The following ADAM19 variants were observed in gnomAD, a reference collection of about 807,000 sequenced individuals.
ADAM19 encodes ADAM metallopeptidase domain 19.
A neutral mutation model predicts 114.7 loss-of-function variants in ADAM19; 65 were observed. The observed-to-expected ratio is 0.57, with a 90% CI of 0.46 to 0.70. The LOEUF is 0.70. ADAM19 is among the 30% of genes least tolerant of loss of function. The pLI, the probability that ADAM19 is intolerant of heterozygous loss-of-function variation, is 0.00. For synonymous variants in ADAM19, 466 were observed against 460.5 expected (o/e 1.01, Z -0.15); for missense variants, 1,063 against 1,204.7 (o/e 0.88, Z 1.74).
chr5:157,556,854 T>C (rs890442359), intron 3 of ADAM19, among the ~76,000 whole-genome samples: 2 of 152,196 alleles, frequency 1.3e-5, no homozygotes, highest in Middle Eastern at 3.2e-3. Flanking sequence ...AAGTATCCAT[T>C]CTCAGCAAAT....
At chr5:157,510,348 C>G (rs1053235983) in intron 8 of ADAM19, among the ~76,000 whole-genome samples, 5 of 152,206 alleles carry the variant, frequency 3.3e-5, no homozygotes, top group African/African-American at 1.2e-4. Flanking sequence ...GTGGCGCATG[C>G]CTGTAATCCC....
intron 8 of ADAM19, among the ~76,000 whole-genome samples, chr5:157,512,466 G>A (rs182108399): frequency 5.7e-4 from 86 of 152,204 alleles, no homozygotes; most frequent in Admixed American, 1.0e-3. Context: ...TGCAATAAAC[G>A]TTACCAGATT....
At chr5:157,558,521 G>T (rs11738250) in intron 3 of ADAM19, among the ~76,000 whole-genome samples, 1 of 152,206 alleles carries the variant, frequency 6.6e-6, no homozygotes. Flanking sequence ...TTTACTAAGA[G>T]CATTGGGATA....
At chr5:157,531,484 T>C (rs1424016281) in intron 4 of ADAM19, among the ~76,000 whole-genome samples, 1 of 151,982 alleles carries the variant, frequency 6.6e-6, no homozygotes, top group African/African-American at 2.4e-5. Context: ...CTGGCCAACA[T>C]GGTGAAACCC....
At chr5:157,556,988 C>T (rs1266734309) in intron 3 of ADAM19, among the ~76,000 whole-genome samples, 2 of 152,184 alleles carry the variant, frequency 1.3e-5, no homozygotes, top group African/African-American at 4.8e-5. Flanking sequence ...TCAAAAGATC[C>T]TCCCACTAAA....
intron 21 of ADAM19, among the ~76,000 whole-genome samples, chr5:157,485,485 G>A (rs759334186): frequency 2.0e-5 from 3 of 152,158 alleles, no homozygotes; most frequent in Non-Finnish European, 4.4e-5. Context: ...ATATCCCAAA[G>A]AGTGATCAAT....
chr5:157,509,778 A>T (rs1174756955), intron 8 of ADAM19, among the ~76,000 whole-genome samples: 2 of 152,186 alleles, frequency 1.3e-5, no homozygotes, highest in African/African-American at 4.8e-5. Context: ...TTTAGAGATG[A>T]CTGAGATAGG....
intron 4 of ADAM19, among the ~76,000 whole-genome samples, chr5:157,535,131 C>A (rs1020657406): frequency 1.3e-4 from 20 of 152,220 alleles, no homozygotes; most frequent in African/African-American, 4.8e-4. Context: ...CAGATATCAG[C>A]ATATGCAATT....
chr5:157,518,598 G>A (rs1756166660), intron 7 of ADAM19, among the ~76,000 whole-genome samples: 1 of 152,226 alleles, frequency 6.6e-6, no homozygotes, highest in Non-Finnish European at 1.5e-5. Flanking sequence ...TGGCCAGGCT[G>A]GTCTCAAACT....
intron 1 of ADAM19, among the ~76,000 whole-genome samples, chr5:157,571,875 G>A (rs1283225832): frequency 6.6e-6 from 1 of 152,186 alleles, no homozygotes; most frequent in African/African-American, 2.4e-5. Context: ...TGAAGACAAA[G>A]ATGCTACCTG....
chr5:157,506,339 A>G (rs1755742207), intron 10 of ADAM19, among the ~76,000 whole-genome samples: 1 of 152,218 alleles, frequency 6.6e-6, no homozygotes, highest in Non-Finnish European at 1.5e-5. Flanking sequence ...GATTTACTAA[A>G]CATGGAAGTG....
chr5:157,570,822 A>G, intron 2 of ADAM19, 73 bp downstream of exon 2: 2 of 1,327,312 alleles, frequency 1.5e-6, no homozygotes, highest in Non-Finnish European at 2.1e-6. Context: ...TGGGATTCTA[A>G]GAAAGTTGAG....
intron 1 of ADAM19, 119 bp downstream of exon 1, chr5:157,575,484 G>T: frequency 5.9e-6 from 4 of 675,622 alleles, no homozygotes; most frequent in Non-Finnish European, 8.8e-6. Flanking sequence ...CGGCGGGGGC[G>T]CAGGCCCCGC....
chr5:157,570,967 T>C lies in ADAM19; in HGVS notation c.108A>G (p.Glu36=), dbSNP rs1757803859. 4 of 1,614,070 alleles carry C rather than the reference T, an allele frequency of 2.5e-6. No homozygotes were observed. The highest frequency in any genetic ancestry group is 3.4e-6 in the Non-Finnish European group (4 of 1,179,954). The change falls in exon 2 of 23, where the codon GAA becomes GAG. Residue 36 remains glutamate, a synonymous_variant. Transcript: ENST00000257527. ...GTTCATGCTGCAGCTTGGGGCTGCC[T>C]TCCTCACTTCCTCCTGCCAATACAA... ...REPGWTRGSE[E]GSPKLQHELI...
In ADAM19 at chr5:157,496,624, C is replaced by T. The variant is rs532244856; in HGVS notation, c.1594+270G>A. On this transcript the variant is annotated intron_variant, in intron 14 of 22. Transcript: ENST00000257527. ...CTTTTCATAGCTTAAGGGCCATTTGCATTTGCTTCTCTGTCTCCATCCTCT... is the reference window on the plus strand; with the variant it reads ...CTTTTCATAGCTTAAGGGCCATTTGTATTTGCTTCTCTGTCTCCATCCTCT... Among the ~76,000 whole-genome samples the T allele has an allele frequency of 2.6e-5, 4 of 152,272 alleles. No homozygotes were observed. In the East Asian group the frequency reaches 7.7e-4, roughly 29 times the overall value.
At chr5:157,523,252 C>G (rs1284105766) in intron 5 of ADAM19, among the ~76,000 whole-genome samples, 1 of 152,166 alleles carries the variant, frequency 6.6e-6, no homozygotes, top group Non-Finnish European at 1.5e-5. Flanking sequence ...TCAGAGATCT[C>G]TAGGAGCAGA....
At chr5:157,536,917 C>G (rs1756783958) in intron 4 of ADAM19, among the ~76,000 whole-genome samples, 1 of 152,336 alleles carries the variant, frequency 6.6e-6, no homozygotes, top group African/African-American at 2.4e-5. Flanking sequence ...AAGGCAAAGG[C>G]CACTGCTGCT....
chr5:157,517,123 C>T (rs1756114586), intron 7 of ADAM19, among the ~76,000 whole-genome samples: 1 of 152,226 alleles, frequency 6.6e-6, no homozygotes, highest in Non-Finnish European at 1.5e-5. Context: ...GGGCCACCTC[C>T]TTCTGCTGCT....
chr5:157,541,962 G>T (rs1756930180), intron 3 of ADAM19, among the ~76,000 whole-genome samples: 1 of 152,140 alleles, frequency 6.6e-6, no homozygotes, highest in Non-Finnish European at 1.5e-5. Context: ...CAGCATAGGC[G>T]AGCATCACTC....
Sources: gnomAD v4.1 joint callset for allele counts (sites outside exome capture counted in the v4.1 genomes callset) on GRCh38, gnomAD v4.1.1 for gene constraint, MANE v1.5 for transcripts, NCBI Gene and HGNC (gene_info 2026-07-23, HGNC 2026-07-21) for gene names.